ARHGEF9: variants seen among roughly 807,000 people sequenced by gnomAD.
ARHGEF9 encodes rho guanine nucleotide exchange factor 9.
ARHGEF9 carries 2 observed loss-of-function variants against 41.3 expected under a neutral mutation model. The ratio of observed to expected loss-of-function variants is 0.05; its 90% CI spans 0.02 to 0.15. The LOEUF (loss-of-function observed/expected upper bound fraction) is 0.15. Among genes scored for constraint, ARHGEF9 ranks in the 10% least tolerant of loss-of-function variants. The pLI, the probability that ARHGEF9 is intolerant of heterozygous loss-of-function variation, is 1.00. For missense variants in ARHGEF9, 225 were observed against 424.7 expected (o/e 0.53, Z 4.13); for synonymous variants, 160 against 154.4 (o/e 1.04, Z -0.27).
At chrX:63,664,054 C>T (rs184998712) in intron 7 of ARHGEF9, among the ~76,000 whole-genome samples, 7 of 111,830 alleles carry the variant, frequency 6.3e-5, no homozygotes, top group Non-Finnish European at 1.1e-4. Context: ...ATGACTGCTT[C>T]GAGGTTTCTC....
At chrX:63,779,960 A>G (rs1556461123) in intron 1 of ARHGEF9, among the ~76,000 whole-genome samples, 1 of 112,151 alleles carries the variant, frequency 8.9e-6, no homozygotes, top group African/African-American at 3.2e-5. Flanking sequence ...TGCAGCTAGC[A>G]GCAGCCATGT....
chrX:63,659,800 T>C (rs782635936), intron 7 of ARHGEF9, among the ~76,000 whole-genome samples: 1 of 111,734 alleles, frequency 8.9e-6, no homozygotes, highest in South Asian at 3.8e-4. Context: ...TTATGTACCA[T>C]GTACTGTCCT....
chrX:63,709,880 G>A (rs368989894), intron 2 of ARHGEF9, among the ~76,000 whole-genome samples: 3 of 110,760 alleles, frequency 2.7e-5, no homozygotes, highest in African/African-American at 6.6e-5. Context: ...TCTCAATTTC[G>A]TAATAAAGAA....
chrX:63,705,880 C>T (rs1488689920), intron 3 of ARHGEF9, among the ~76,000 whole-genome samples: 3 of 111,313 alleles, frequency 2.7e-5, no homozygotes, highest in African/African-American at 9.8e-5. Context: ...ACTGGCTTGG[C>T]GGGAGATGCA....
chrX:63,655,867 ATTTGGCCAGG>A, intron 7 of ARHGEF9, 130 bp from the exon 8 acceptor site: 1 of 884,275 alleles, frequency 1.1e-6, no homozygotes. Context: ...TTTGTTCTAA[ATTTGGCCAGG>A]TTATACTAGT....
At chrX:63,715,068 TAA>T (rs1403463164) in intron 2 of ARHGEF9, among the ~76,000 whole-genome samples, 1 of 110,612 alleles carries the variant, frequency 9.0e-6, no homozygotes, top group African/African-American at 3.3e-5. Flanking sequence ...CCTTCACAGA[TAA>T]CATAGCTTCC....
intron 9 of ARHGEF9, chrX:63,642,158 G>C (rs2147133695): frequency 9.0e-6 from 1 of 111,706 alleles, no homozygotes; most frequent in South Asian, 3.8e-4. Flanking sequence ...TACAGTGGGG[G>C]AAGTAGAGGA....
chrX:63,669,294 G>A (rs1339802374), intron 6 of ARHGEF9, among the ~76,000 whole-genome samples: 4 of 111,509 alleles, frequency 3.6e-5, no homozygotes, highest in Non-Finnish European at 7.5e-5. Flanking sequence ...CTCCCTCCAG[G>A]ATTTTGCTCA....
chrX:63,678,483 G>A lies in ARHGEF9; in HGVS notation c.672C>T (p.Tyr224=). The A allele has an allele frequency of 8.3e-7, 1 of 1,204,993 alleles. No homozygotes were observed. Residue 224 remains tyrosine (Y), a synonymous_variant, in exon 5 of 10, where the codon TAC becomes TAT. Coordinates refer to ENST00000671741, the MANE Select transcript of ARHGEF9 (RefSeq NM_001353921.2). ...ELSKLMKDSR[Y]QHFFEACRLL... is the part of the protein sequence containing the mutation. Reference sequence around the variant, plus strand: ...GGCGACAGGCCTCAAAGAAGTGCTGGTAGCGGCTGTCCTTCATCAGTTTGG... The same window carrying A: ...GGCGACAGGCCTCAAAGAAGTGCTGATAGCGGCTGTCCTTCATCAGTTTGG...
intron 8 of ARHGEF9, among the ~76,000 whole-genome samples, chrX:63,654,920 C>G (rs1206820911): frequency 8.9e-6 from 1 of 111,951 alleles, no homozygotes; most frequent in Non-Finnish European, 1.9e-5. Context: ...CTATCTATAT[C>G]CCCACTGGAA....
chrX:63,752,021 G>T (rs190911779), intron 1 of ARHGEF9, among the ~76,000 whole-genome samples: 2 of 111,884 alleles, frequency 1.8e-5, no homozygotes, highest in African/African-American at 6.5e-5. Flanking sequence ...GGGAAAAAAA[G>T]TCAAAAAGCA....
chrX:63,761,551 C>T (rs1347207007), intron 1 of ARHGEF9, among the ~76,000 whole-genome samples: 1 of 111,732 alleles, frequency 8.9e-6, no homozygotes, highest in Non-Finnish European at 1.9e-5. Context: ...TTCTCTGCTA[C>T]AGCCTGAGAA....
At chrX:63,648,708 C>T (rs782434061) in intron 8 of ARHGEF9, among the ~76,000 whole-genome samples, 1 of 111,292 alleles carries the variant, frequency 9.0e-6, no homozygotes, top group East Asian at 2.8e-4. Context: ...GGAAACCCAT[C>T]TCACATGCAG....
chrX:63,644,057 G>T lies in ARHGEF9; in HGVS notation c.1322-9C>A, dbSNP rs1569422580. 8.4e-7 allele frequency: 1 copy of T among 1,188,253 alleles called. No individual in the cohort carries two copies. Among genetic ancestry groups the T allele is most frequent in the Non-Finnish European group, 1.1e-6 (1 of 877,891 alleles). ...TTCAGAAATTTCAAAGCCTAAAAAAGAAAAATATATGATTTTTTAAATGAG... is the reference window on the plus strand; with the variant it reads ...TTCAGAAATTTCAAAGCCTAAAAAATAAAAATATATGATTTTTTAAATGAG... On this transcript the variant is annotated splice_polypyrimidine_tract_variant and intron_variant, in intron 8 of 9. Coordinates refer to ENST00000671741, the MANE Select transcript of ARHGEF9 (RefSeq NM_001353921.2).
intron 1 of ARHGEF9, chrX:63,754,205 T>C: frequency 1.0e-6 from 1 of 975,722 alleles, no homozygotes; most frequent in South Asian, 2.0e-5. Flanking sequence ...ATAGAAAGCA[T>C]TTCTTCATCA....
chrX:63,724,278 G>GT (rs35615541), intron 2 of ARHGEF9, among the ~76,000 whole-genome samples: 3 of 111,842 alleles, frequency 2.7e-5, no homozygotes, highest in Non-Finnish European at 5.6e-5. Context: ...CCCAGACAAG[G>GT]TAAGTGATTT....
intron 2 of ARHGEF9, among the ~76,000 whole-genome samples, chrX:63,714,241 C>T (rs1176888520): frequency 9.0e-6 from 1 of 111,460 alleles, no homozygotes; most frequent in Non-Finnish European, 1.9e-5. Context: ...AAGCCTGCCC[C>T]CTACTCCTTC....
intron 4 of ARHGEF9, among the ~76,000 whole-genome samples, chrX:63,685,326 C>T (rs1236706886): frequency 1.8e-5 from 2 of 110,788 alleles, no homozygotes; most frequent in East Asian, 2.8e-4. Flanking sequence ...ACAAAAAAAT[C>T]GAAATAAACA....
At chrX:63,755,509 G>T (rs1419638707) in intron 1 of ARHGEF9, among the ~76,000 whole-genome samples, 1 of 111,035 alleles carries the variant, frequency 9.0e-6, no homozygotes, top group South Asian at 3.9e-4. Flanking sequence ...AAGAAAAGAC[G>T]AGGAGGAAGG....
Sources: allele counts gnomAD v4.1 joint callset (sites outside exome capture counted in the v4.1 genomes callset), GRCh38; gene constraint gnomAD v4.1.1; transcripts MANE v1.5; gene names NCBI Gene and HGNC (gene_info 2026-07-23, HGNC 2026-07-21).